Variants in COBLL1 observed in about 807,000 individuals in gnomAD.
COBLL1 encodes the protein cordon-bleu WH2 repeat protein like 1, also known as cordon-bleu protein-like 1.
A neutral mutation model predicts 94.8 loss-of-function variants in COBLL1; 50 were observed. The observed-to-expected ratio is 0.53, with a 90% CI of 0.42 to 0.67. COBLL1 has a LOEUF of 0.67. Among genes scored for constraint, COBLL1 ranks in the 30% least tolerant of loss-of-function variants. COBLL1 has a pLI of 0.00. For missense variants in COBLL1, 1,362 were observed against 1,348.7 expected, an observed-to-expected ratio of 1.01 and a Z score of -0.15; for synonymous variants, 448 against 473.8, an observed-to-expected ratio of 0.95 and a Z score of 0.71.
chr2:164,667,281 G>A (rs949075445), intron 1 of COBLL1, among the ~76,000 whole-genome samples: 7 of 152,072 alleles, frequency 4.6e-5, no homozygotes, highest in Non-Finnish European at 8.8e-5. Context: ...ATGCTTTGGT[G>A]TTTTGAGCAC....
intron 2 of COBLL1, among the ~76,000 whole-genome samples, chr2:164,838,136 C>T (rs1683409847): frequency 6.6e-6 from 1 of 152,158 alleles, no homozygotes; most frequent in Admixed American, 6.5e-5. Flanking sequence ...GGGACTTCAC[C>T]AGCACAGACC....
At position 164,692,363 on chromosome 2, in the gene COBLL1, T is replaced by C. The variant is rs1005200125; in HGVS notation, c.3158A>G (p.Gln1053Arg). The C allele has an allele frequency of 8.1e-6, 13 of 1,612,512 alleles. No individual in the cohort carries two copies. Among genetic ancestry groups the C allele is most frequent in the Non-Finnish European group, 1.1e-5 (13 of 1,179,284 alleles). ...NNSAHNEQNS[Q>R]IPTPTDGPSF... ...TGGGCCATCAGTTGGAGTTGGTATT[T>C]GGGAATTCTGTTCATTATGTGCAGA... The change falls in exon 13 of 14, where the codon CAA becomes CGA. Residue 1053 changes from glutamine (Q) to arginine (R), a missense_variant. Physicochemically the swap from Gln to Arg is conservative, Grantham distance 43. Transcript: ENST00000652658.
intron 4 of COBLL1, among the ~76,000 whole-genome samples, chr2:164,729,305 T>C (rs974673619): frequency 4.6e-5 from 7 of 151,834 alleles, no homozygotes; most frequent in African/African-American, 1.7e-4. Context: ...ATGTTCATAA[T>C]GAGAGTATTT....
intron 2 of COBLL1, among the ~76,000 whole-genome samples, chr2:164,809,653 C>A (rs1684363393): frequency 6.6e-6 from 1 of 151,960 alleles, no homozygotes; most frequent in African/African-American, 2.4e-5. Context: ...TCTAAATAAG[C>A]TGTCGAATTA....
chr2:164,767,118 G>A lies in COBLL1; in HGVS notation c.42-23243C>T, dbSNP rs116328625. ...TTAACTTATGTACTGGTTTCACTAC[G>A]GAAACACAGAGAGGGATGGAATTCT... On this transcript the variant is annotated intron_variant, in intron 2 of 13. Coordinates refer to ENST00000652658, the MANE Select transcript of COBLL1 (RefSeq NM_001365672.2). Among the ~76,000 whole-genome samples the A allele has an allele frequency of 9.5e-3, 1,449 of 152,248 alleles. 13 individuals carry two copies. Among genetic ancestry groups the A allele is most frequent in the Non-Finnish European group, 0.015 (1,016 of 68,010 alleles).
intron 3 of COBLL1, among the ~76,000 whole-genome samples, chr2:164,730,589 G>A (rs1316979672): frequency 2.6e-5 from 4 of 152,106 alleles, no homozygotes; most frequent in Non-Finnish European, 5.9e-5. Flanking sequence ...AGACAAAATT[G>A]TAATAGTTAA....
upstream of COBLL1, chr2:164,841,977 G>T (rs1213744996): frequency 6.5e-7 from 1 of 1,539,636 alleles, no homozygotes; most frequent in Non-Finnish European, 8.7e-7. This position sits in a 1 kb window ranked among gnomAD's most constrained non-coding sequence, Gnocchi z 5.5. Flanking sequence ...TTCCCTGCCC[G>T]GAGTCCGGGA....
intron 2 of COBLL1, among the ~76,000 whole-genome samples, chr2:164,787,417 T>C (rs1312684075): frequency 2.0e-5 from 3 of 152,328 alleles, no homozygotes; most frequent in Admixed American, 1.3e-4. Flanking sequence ...AATGTCCTCA[T>C]CACAGACACA....
chr2:164,756,462 G>T lies in COBLL1; in HGVS notation c.42-12587C>A, dbSNP rs369428742. 3.0e-3 allele frequency among the ~76,000 whole-genome samples: 448 copies of T among 151,668 alleles called. 1 individual carries two copies. The highest frequency in any genetic ancestry group is 9.9e-3 in the African/African-American group (410 of 41,344). On this transcript the variant is annotated intron_variant, in intron 2 of 13. Coordinates refer to ENST00000652658, the MANE Select transcript of COBLL1 (RefSeq NM_001365672.2). ...TCCAAAACCCTGGTTTCTATTTTTT[G>T]TTTTGCTTATAATATCTAAAATAGT... is the stretch of plus-strand genomic sequence containing the variant.
intron 9 of COBLL1, chr2:164,703,081 C>G: frequency 7.0e-7 from 1 of 1,421,404 alleles, no homozygotes; most frequent in South Asian, 1.2e-5. Context: ...AAAGCACCAG[C>G]CAGGAAAGGC....
At chr2:164,790,395 G>C (rs370199554) in intron 2 of COBLL1, among the ~76,000 whole-genome samples, 10 of 152,200 alleles carry the variant, frequency 6.6e-5, no homozygotes, top group African/African-American at 2.4e-4. Context: ...TATCCCACAT[G>C]ATTTGTTAAC....
At chr2:164,780,877 A>T (rs1688695710) in intron 2 of COBLL1, among the ~76,000 whole-genome samples, 1 of 152,134 alleles carries the variant, frequency 6.6e-6, no homozygotes, top group Non-Finnish European at 1.5e-5. Flanking sequence ...GCAAGGAGTA[A>T]ATGTAATTCT....
At chr2:164,713,457 A>G (rs1485176236) in intron 7 of COBLL1, among the ~76,000 whole-genome samples, 1 of 152,144 alleles carries the variant, frequency 6.6e-6, no homozygotes, top group Admixed American at 6.5e-5. Flanking sequence ...AGAGGAAGCA[A>G]TGAGGTTACA....
intron 2 of COBLL1, among the ~76,000 whole-genome samples, chr2:164,664,755 C>T (rs1691127778): frequency 6.6e-6 from 1 of 152,114 alleles, no homozygotes; most frequent in Admixed American, 6.5e-5. Context: ...CTATTTACAA[C>T]AGAGCATTTG....
chr2:164,818,322 A>G (rs533571326), intron 2 of COBLL1, among the ~76,000 whole-genome samples: 35 of 150,304 alleles, frequency 2.3e-4, no homozygotes, highest in South Asian at 1.5e-3. Context: ...ACACGTGTGT[A>G]TGTATACATA....
intron 2 of COBLL1, among the ~76,000 whole-genome samples, chr2:164,805,327 CTCTCTCTCTCTATATATATA>C (rs1684055639): frequency 3.8e-5 from 1 of 26,480 alleles, no homozygotes; most frequent in African/African-American, 1.5e-4. Context: ...CTCTCTCTCT[CTCTCTCTCTCTATATATATA>C]TATATATATA....
In COBLL1 at chr2:164,683,010, A is replaced by T. The variant is rs915993268; in HGVS notation, c.*2936T>A. On this transcript the variant is annotated 3_prime_UTR_variant, in exon 14 of 14. Coordinates refer to ENST00000652658, the MANE Select transcript of COBLL1 (RefSeq NM_001365672.2). ...TTCATGTTAAGAAACACACATACACACACACACACACACACACACACACAC... is the reference window on the plus strand; with the variant it reads ...TTCATGTTAAGAAACACACATACACTCACACACACACACACACACACACAC... The T allele has an allele frequency of 1.4e-5, 2 of 140,180 alleles. No individual in the cohort carries two copies. Among genetic ancestry groups the T allele is most frequent in the Non-Finnish European group, 3.2e-5 (2 of 62,488 alleles). The allele number at this position is 140,180 out of a possible 1,614,324, so 8.7% of individuals were successfully genotyped here.
rs796770347 is a variant in COBLL1, at chr2:164,801,459, A to C, written c.41+39697T>G. On this transcript the variant is annotated intron_variant, in intron 2 of 13. Transcript: ENST00000652658. Reference sequence around the variant, plus strand: ...GTCTCAAAAAAAAAAAAAAAAAAAAAAAAAAAAAAAGCTTAGCTAAGTGTG... The same window carrying C: ...GTCTCAAAAAAAAAAAAAAAAAAAACAAAAAAAAAAGCTTAGCTAAGTGTG... 7.6e-3 allele frequency among the ~76,000 whole-genome samples: 1,133 copies of C among 148,276 alleles called. 27 individuals carry two copies. The highest frequency in any genetic ancestry group is 0.027 in the African/African-American group (1,080 of 39,948).
intron 2 of COBLL1, among the ~76,000 whole-genome samples, chr2:164,746,704 A>C (rs959956740): frequency 6.6e-6 from 1 of 151,980 alleles, no homozygotes; most frequent in Non-Finnish European, 1.5e-5. Context: ...AACCATCGCA[A>C]GCAGGAGACC....
Sources: allele counts gnomAD v4.1 joint callset (sites outside exome capture counted in the v4.1 genomes callset), GRCh38; gene constraint gnomAD v4.1.1; non-coding constraint Gnocchi (gnomAD v3.1); transcripts MANE v1.5; gene names NCBI Gene and HGNC (gene_info 2026-07-23, HGNC 2026-07-21).